Variants in PSME4 observed in about 807,000 individuals in gnomAD.
The protein encoded by PSME4 is proteasome activator complex subunit 4.
PSME4 carries 89 observed loss-of-function variants against 253.9 expected under a neutral mutation model. That is an observed-to-expected ratio of 0.35 (90% CI 0.30 to 0.42). PSME4 has a LOEUF of 0.42. PSME4 is among the 10% of genes least tolerant of loss of function. PSME4 has a pLI of 1.00. For synonymous variants in PSME4, 851 were observed against 759.2 expected, an observed-to-expected ratio of 1.12 and a Z score of -1.99; for missense variants, 2,014 against 2,195.2, an observed-to-expected ratio of 0.92 and a Z score of 1.65.
At chr2:53,922,397 C>A in intron 17 of PSME4, 120 bp downstream of exon 17, 1 of 1,009,944 alleles carries the variant, frequency 9.9e-7, no homozygotes, top group African/African-American at 1.6e-5. Flanking sequence ...GAAGCCTCAT[C>A]AAATTTCCAA....
intron 10 of PSME4, among the ~76,000 whole-genome samples, chr2:53,930,078 C>T (rs1044061838): frequency 6.6e-6 from 1 of 151,824 alleles, no homozygotes; most frequent in African/African-American, 2.4e-5. Flanking sequence ...GGTGATGCCA[C>T]TTCAAAACAG....
Position 53,887,964 on chromosome 2 carries a change from G to T in PSME4, c.4414C>A (p.Leu1472Ile), listed in dbSNP as rs746531751. ...GGCACTCTCCATTCTTGCTGGGCAA[G>T]GCCACCTTGTAGTACATAAAGTCGA... ...ACRLYVLQGGLAQQEWRVPEL... is the reference protein window; with the variant it reads ...ACRLYVLQGGIAQQEWRVPEL... Residue 1472 changes from leucine to isoleucine, a missense_variant, in exon 39 of 47, where the codon CTT becomes ATT. Physicochemically the swap from Leu to Ile is conservative, Grantham distance 5. Around this residue, in one of 4 missense-constraint regions of PSME4, gnomAD observed 403 missense variants for 556.1 expected, o/e 0.72. Transcript: ENST00000404125. 6.8e-6 allele frequency: 11 copies of T among 1,612,616 alleles called. No homozygotes were observed. Among genetic ancestry groups the T allele is most frequent in the Non-Finnish European group, 6.8e-6 (8 of 1,179,250 alleles).
chr2:53,948,876 T>C (rs574288932), intron 2 of PSME4, among the ~76,000 whole-genome samples: 2 of 152,344 alleles, frequency 1.3e-5, no homozygotes, highest in East Asian at 3.9e-4. Context: ...TCCATGATCT[T>C]TGTCTTGTCT....
chr2:53,963,391 C>G (rs934255047), intron 1 of PSME4, among the ~76,000 whole-genome samples: 1 of 152,058 alleles, frequency 6.6e-6, no homozygotes, highest in Non-Finnish European at 1.5e-5. Flanking sequence ...AGAAAACTTG[C>G]GCTGATACAT....
chr2:53,964,957 C>T (rs997146139), intron 1 of PSME4, among the ~76,000 whole-genome samples: 8 of 152,148 alleles, frequency 5.3e-5, no homozygotes, highest in African/African-American at 1.9e-4. Flanking sequence ...ATTAAAATGA[C>T]TTCACATTAT....
At chr2:53,958,183 C>CAA (rs1211892917) in intron 1 of PSME4, among the ~76,000 whole-genome samples, 68 of 65,756 alleles carry the variant, frequency 1.0e-3, no homozygotes, top group African/African-American at 3.2e-3. Context: ...AAGACTCTGT[C>CAA]AAAAAAAAAA....
chr2:53,926,060 C>T (rs1448153502), intron 12 of PSME4, 37 bp from the exon 13 acceptor site: 8 of 1,552,150 alleles, frequency 5.2e-6, no homozygotes, highest in Admixed American at 1.7e-5. Context: ...TTACATATAG[C>T]CTTTGTTTTT....
At chr2:53,938,731 T>C (rs143717876) in intron 4 of PSME4, among the ~76,000 whole-genome samples, 1 of 152,168 alleles carries the variant, frequency 6.6e-6, no homozygotes, top group Non-Finnish European at 1.5e-5. Context: ...TCCTACTATA[T>C]CTTCATATAC....
intron 26 of PSME4, among the ~76,000 whole-genome samples, chr2:53,904,542 T>A (rs1256621887): frequency 6.6e-6 from 1 of 152,184 alleles, no homozygotes; most frequent in African/African-American, 2.4e-5. Flanking sequence ...TTAAAGAATT[T>A]CCAGGAGGAA....
At chr2:53,964,002 T>C (rs878970749) in intron 1 of PSME4, among the ~76,000 whole-genome samples, 17 of 152,170 alleles carry the variant, frequency 1.1e-4, no homozygotes, top group African/African-American at 2.7e-4. Flanking sequence ...TTTTGAATAT[T>C]TGATATTTTT....
intron 20 of PSME4, among the ~76,000 whole-genome samples, chr2:53,914,718 T>C (rs1391764922): frequency 6.6e-6 from 1 of 151,904 alleles, no homozygotes; most frequent in African/African-American, 2.4e-5. Flanking sequence ...CTGTCTCTAC[T>C]AAAAATACAA....
At chr2:53,940,074 T>C (rs1669319997) in intron 3 of PSME4, 74 bp from the exon 4 acceptor site, 2 of 1,146,952 alleles carry the variant, frequency 1.7e-6, no homozygotes, top group East Asian at 2.6e-5. Context: ...AATAAATATC[T>C]ATAAGATAAC....
At chr2:53,937,607 T>C (rs936056526) in intron 4 of PSME4, 67 bp from the exon 5 acceptor site, 4 of 1,456,384 alleles carry the variant, frequency 2.7e-6, no homozygotes. Flanking sequence ...GCAATATATA[T>C]AACTGACCAA....
At chr2:53,924,061 T>C (rs1427559656) in intron 14 of PSME4, among the ~76,000 whole-genome samples, 2 of 152,192 alleles carry the variant, frequency 1.3e-5, no homozygotes, top group African/African-American at 4.8e-5. Context: ...GGGAATTTTT[T>C]GGAATACCTA....
At chr2:53,869,599 TA>T (rs1312371964) in intron 43 of PSME4, 61 bp from the exon 44 acceptor site, 12 of 1,345,478 alleles carry the variant, frequency 8.9e-6, no homozygotes, top group South Asian at 8.3e-5. Flanking sequence ...TAATGGAGGA[TA>T]GGGGGTAGTG....
intron 20 of PSME4, among the ~76,000 whole-genome samples, chr2:53,913,850 G>A (rs1385276554): frequency 6.6e-6 from 1 of 152,168 alleles, no homozygotes; most frequent in Non-Finnish European, 1.5e-5. Context: ...GGTGAAATAA[G>A]GAGAAAACAG....
chr2:53,952,607 G>A (rs569875403), intron 1 of PSME4, among the ~76,000 whole-genome samples: 2 of 152,272 alleles, frequency 1.3e-5, no homozygotes, highest in African/African-American at 4.8e-5. Flanking sequence ...CCTGTGGTTA[G>A]GATACTTCTG....
Position 53,970,958 on chromosome 2 carries a change from G to A in PSME4, c.-174C>T, listed in dbSNP as rs1671057252. ...GCCGGCGTGCTGCTGGGCCCCACGC[G>A]GCTCTCAGTTCGTTGGCGGCGGCAG... On this transcript the variant is annotated 5_prime_UTR_variant, in exon 1 of 47. Coordinates refer to ENST00000404125, the MANE Select transcript of PSME4 (RefSeq NM_014614.3). The A allele has an allele frequency of 5.8e-6, 3 of 514,054 alleles. No individual in the cohort carries two copies. The highest frequency in any genetic ancestry group is 2.0e-5 in the African/African-American group (1 of 49,290). 31.8% of individuals were successfully genotyped at this position (514,054 alleles called of 1,614,324 possible).
At chr2:53,908,719 A>T (rs1667679181) in intron 22 of PSME4, 65 bp downstream of exon 22, 2 of 1,461,508 alleles carry the variant, frequency 1.4e-6, no homozygotes, top group Non-Finnish European at 1.9e-6. Context: ...CATGCATGTT[A>T]TAGATTAAAA....
Sources: gnomAD v4.1 joint callset for allele counts (sites outside exome capture counted in the v4.1 genomes callset) on GRCh38, gnomAD v4.1.1 for gene constraint, gnomAD v4.1.1 regional missense constraint, MANE v1.5 for transcripts, NCBI Gene and HGNC (gene_info 2026-07-23, HGNC 2026-07-21) for gene names.